DHRS7C: variants seen among roughly 807,000 people sequenced by gnomAD.
The protein encoded by DHRS7C is dehydrogenase/reductase SDR family member 7C.
DHRS7C carries 28 observed loss-of-function variants against 29.6 expected under a neutral mutation model. The ratio of observed to expected loss-of-function variants is 0.95; its 90% CI spans 0.70 to 1.30. The LOEUF is 1.30. Ranked by LOEUF, DHRS7C falls within the 50% of genes most tolerant of loss-of-function variation. The pLI, the probability that DHRS7C is intolerant of heterozygous loss-of-function variation, is 0.00. For synonymous variants in DHRS7C, 158 were observed against 160.2 expected (o/e 0.99, Z 0.10); for missense variants, 403 against 393.3 (o/e 1.02, Z -0.21).
chr17:9,781,337 A>G, intron 2 of DHRS7C, 145 bp downstream of exon 2: 2 of 702,346 alleles, frequency 2.8e-6, no homozygotes, highest in African/African-American at 3.6e-5. Context: ...AAACATGCCT[A>G]TGTCAAGGTC....
intron 2 of DHRS7C, 58 bp from the exon 3 acceptor site, chr17:9,780,093 T>C (rs1376691950): frequency 1.0e-5 from 15 of 1,498,960 alleles, no homozygotes; most frequent in Non-Finnish European, 1.0e-5. Flanking sequence ...CTTGCAGACC[T>C]TGGGAGCCCT....
At chr17:9,772,592 C>T (rs952443022) in intron 5 of DHRS7C, among the ~76,000 whole-genome samples, 175 bp downstream of exon 5, 1 of 152,154 alleles carries the variant, frequency 6.6e-6, no homozygotes, top group Non-Finnish European at 1.5e-5. Flanking sequence ...TACCGGGTGC[C>T]TCAGGCCTAA....
rs1167515832 is a variant in DHRS7C at position 9,791,347 on chromosome 17, T to C, written c.-63A>G. ...TTTGCAAAGAGACGCTGATCAGGAC[T>C]CCCAGGGCAGGGGGAGGCCCAAGGC... On this transcript the variant is annotated 5_prime_UTR_variant, in exon 1 of 6. Coordinates refer to ENST00000571134, the MANE Select transcript of DHRS7C (RefSeq NM_001105571.3). The C allele has an allele frequency of 6.4e-7, 1 of 1,572,750 alleles. No homozygotes were observed. Among genetic ancestry groups the C allele is most frequent in the African/African-American group, 1.3e-5 (1 of 74,328 alleles).
chr17:9,772,959 C>G, intron 4 of DHRS7C, 37 bp from the exon 5 acceptor site: 1 of 1,605,590 alleles, frequency 6.2e-7, no homozygotes, highest in Non-Finnish European at 8.5e-7. Flanking sequence ...GCGCAGGACA[C>G]TCCCGGCCCT....
chr17:9,773,741 T>TTTTC (rs57969612), intron 4 of DHRS7C, among the ~76,000 whole-genome samples: 19,129 of 128,954 alleles, frequency 0.15, 2,403 homozygotes, highest in East Asian at 0.34. Context: ...TTTTTTTTTT[T>TTTTC]TGAGACGGCG....
In DHRS7C at chr17:9,779,931, G is replaced by C; in HGVS notation, c.372C>G (p.Ile124Met). ...CCTTCACCTTCACACTGGCATTGTT[G>C]ATGAGGATGTCCACACAGCCATAGC... ...LDCYGCVDIL[I>M]NNASVKVKGP... is the part of the protein sequence containing the mutation. The change falls in exon 3 of 6, where the codon ATC becomes ATG. Residue 124 changes from isoleucine (I) to methionine (M), a missense_variant. Ile to Met is a conservative substitution (Grantham distance 10). Transcript: ENST00000571134. The C allele has an allele frequency of 6.2e-7, 1 of 1,613,942 alleles. No individual in the cohort carries two copies. The highest frequency in any genetic ancestry group is 8.5e-7 in the Non-Finnish European group (1 of 1,179,872).
intron 1 of DHRS7C, among the ~76,000 whole-genome samples, chr17:9,781,990 CCA>C (rs1055898448): frequency 6.5e-4 from 99 of 152,208 alleles, no homozygotes; most frequent in African/African-American, 2.2e-3. Context: ...CCAGTTTCCT[CCA>C]CATTTTCTCT....
At position 9,791,125 on chromosome 17, in the gene DHRS7C, G is replaced by T; in HGVS notation, c.154+6C>A. 1 of 1,609,828 alleles carries T rather than the reference G, an allele frequency of 6.2e-7. No individual in the cohort carries two copies. The highest frequency in any genetic ancestry group is 1.3e-5 in the African/African-American group (1 of 74,934). ...ATGGGCACAGGTGGGAGCAAAGCCAGCTTACCCTTGCCCAGTCCTGAGATG... is the reference window on the plus strand; with the variant it reads ...ATGGGCACAGGTGGGAGCAAAGCCATCTTACCCTTGCCCAGTCCTGAGATG... On this transcript the variant is annotated splice_donor_region_variant and intron_variant, in intron 1 of 5. Transcript: ENST00000571134.
At chr17:9,778,382 G>A (rs1279711590) in intron 3 of DHRS7C, among the ~76,000 whole-genome samples, 3 of 143,128 alleles carry the variant, frequency 2.1e-5, no homozygotes, top group African/African-American at 7.9e-5. Context: ...CAATAGAGGC[G>A]AGACTCCGTC....
intron 1 of DHRS7C, among the ~76,000 whole-genome samples, chr17:9,789,967 G>A (rs922129396): frequency 6.6e-6 from 1 of 152,254 alleles, no homozygotes; most frequent in Non-Finnish European, 1.5e-5. Flanking sequence ...CACTTAGAGA[G>A]CCTAGTCTAT....
At chr17:9,786,382 A>G (rs2066424201) in intron 1 of DHRS7C, among the ~76,000 whole-genome samples, 1 of 146,818 alleles carries the variant, frequency 6.8e-6, no homozygotes, top group Non-Finnish European at 1.5e-5. Context: ...CAGAAAAGTC[A>G]GGAACCGCCT....
At chr17:9,783,695 G>A (rs1004530791) in intron 1 of DHRS7C, among the ~76,000 whole-genome samples, 1 of 152,204 alleles carries the variant, frequency 6.6e-6, no homozygotes, top group Non-Finnish European at 1.5e-5. Context: ...GCTGGGCGCG[G>A]TGGCTCATGC....
intron 1 of DHRS7C, among the ~76,000 whole-genome samples, chr17:9,783,643 G>A (rs2066405879): frequency 6.6e-6 from 1 of 152,276 alleles, no homozygotes; most frequent in Admixed American, 6.5e-5. Flanking sequence ...AAGTTAACAT[G>A]TTGAGCCAAC....
Position 9,775,369 on chromosome 17 carries a change from C to A in DHRS7C, c.571+1824G>T, listed in dbSNP as rs922248488. On this transcript the variant is annotated intron_variant, in intron 4 of 5. Transcript: ENST00000571134. This position sits in a 1 kb window ranked among gnomAD's most constrained non-coding sequence, Gnocchi z 4.2. ...GGACTGCACTTCCCAGCGTCCCTTG[C>A]ACTTAGGTGCGACTGAGTTCTCCCA... is the stretch of plus-strand genomic sequence containing the variant. Among the ~76,000 whole-genome samples, 13 of 152,180 alleles carry A rather than the reference C, an allele frequency of 8.5e-5. No individual in the cohort carries two copies. The highest frequency in any genetic ancestry group is 6.5e-4 in the Admixed American group (10 of 15,274).
At chr17:9,790,908 G>A (rs2066451187) in intron 1 of DHRS7C, among the ~76,000 whole-genome samples, 1 of 152,216 alleles carries the variant, frequency 6.6e-6, no homozygotes, top group African/African-American at 2.4e-5. Context: ...TAGGCTGTGA[G>A]TTTGCAACCC....
chr17:9,771,746 G>C, intron 5 of DHRS7C, 50 bp from the exon 6 acceptor site: 1 of 1,350,280 alleles, frequency 7.4e-7, no homozygotes, highest in Non-Finnish European at 9.6e-7. Flanking sequence ...TGGGGACCCG[G>C]CTGGTCAGAG....
intron 3 of DHRS7C, among the ~76,000 whole-genome samples, chr17:9,779,466 T>C (rs1161637132): frequency 1.3e-5 from 2 of 152,184 alleles, no homozygotes; most frequent in African/African-American, 4.8e-5. Context: ...AAGGTTGATA[T>C]AGCAGAATGT....
chr17:9,788,057 A>T (rs1156450927), intron 1 of DHRS7C, among the ~76,000 whole-genome samples: 1 of 152,106 alleles, frequency 6.6e-6, no homozygotes, highest in East Asian at 1.9e-4. Context: ...ATGGAAAGAC[A>T]ATCAGTCTGA....
At chr17:9,777,690 G>A (rs969712120) in intron 3 of DHRS7C, among the ~76,000 whole-genome samples, 10 of 152,002 alleles carry the variant, frequency 6.6e-5, no homozygotes, top group African/African-American at 2.2e-4. Context: ...CGCTCATCTC[G>A]GTAGTAAGAA....
Sources: gnomAD v4.1 joint callset for allele counts (sites outside exome capture counted in the v4.1 genomes callset) on GRCh38, gnomAD v4.1.1 for gene constraint, Gnocchi (gnomAD v3.1) non-coding constraint, MANE v1.5 for transcripts, NCBI Gene and HGNC (gene_info 2026-07-23, HGNC 2026-07-21) for gene names.